The following GALNTL6 variants were observed in gnomAD, a reference collection of about 807,000 sequenced individuals.
GALNTL6 encodes polypeptide N-acetylgalactosaminyltransferase like 6, also known as polypeptide N-acetylgalactosaminyltransferase-like 6.
In GALNTL6, 46 loss-of-function variants were observed where a neutral mutation model predicts 73.7. The observed-to-expected ratio is 0.62, with a 90% CI of 0.49 to 0.80. GALNTL6 has a LOEUF of 0.80. GALNTL6 is among the 30% of genes least tolerant of loss of function. GALNTL6 has a pLI of 0.00. For missense variants in GALNTL6, 604 were observed against 755.0 expected (o/e 0.80, Z 2.34); for synonymous variants, 259 against 263.7 (o/e 0.98, Z 0.17).
chr4:171,971,668 A>G (rs1017780859), intron 2 of GALNTL6, among the ~76,000 whole-genome samples: 8 of 152,226 alleles, frequency 5.3e-5, no homozygotes, highest in African/African-American at 1.9e-4. Flanking sequence ...AGGTTTCTGT[A>G]AAGCAATTCA....
At chr4:172,096,084 C>CTGTGTGTGTGTGTGTGTGTGTG (rs138495979) in intron 2 of GALNTL6, among the ~76,000 whole-genome samples, 61 of 147,074 alleles carry the variant, frequency 4.1e-4, no homozygotes, top group African/African-American at 8.8e-4. Flanking sequence ...CTCTCTCTTT[C>CTGTGTGTGTGTGTGTGTGTGTG]TGTGTGTGTG....
intron 2 of GALNTL6, among the ~76,000 whole-genome samples, chr4:172,035,087 T>C (rs1172589014): frequency 6.6e-6 from 1 of 152,144 alleles, no homozygotes; most frequent in African/African-American, 2.4e-5. Context: ...ACTTTTAGTG[T>C]GTCTATGGCA....
chr4:171,823,075 A>G (rs1160942828), intron 2 of GALNTL6, among the ~76,000 whole-genome samples: 1 of 152,202 alleles, frequency 6.6e-6, no homozygotes, highest in Non-Finnish European at 1.5e-5. Flanking sequence ...GGCAATGTTA[A>G]CAGCCACATT....
intron 2 of GALNTL6, among the ~76,000 whole-genome samples, chr4:172,179,416 G>C (rs1322927759): frequency 4.2e-4 from 54 of 127,870 alleles, no homozygotes; most frequent in Admixed American, 7.0e-4. Flanking sequence ...GTGATGATGA[G>C]CATTTTTTCA....
intron 12 of GALNTL6, among the ~76,000 whole-genome samples, chr4:173,031,030 GA>G (rs1450669858): frequency 3.0e-4 from 46 of 152,120 alleles, no homozygotes; most frequent in Non-Finnish European, 6.0e-4. Flanking sequence ...GAGAGAGAGA[GA>G]GAGAGAGCAC....
At chr4:172,630,241 C>CAAAGTAA (rs1363062796) in intron 5 of GALNTL6, among the ~76,000 whole-genome samples, 4 of 152,044 alleles carry the variant, frequency 2.6e-5, no homozygotes, top group African/African-American at 9.7e-5. Context: ...CTCAATAAAC[C>CAAAGTAA]AAAGTAAAAA....
intron 2 of GALNTL6, among the ~76,000 whole-genome samples, chr4:172,114,778 TACA>T (rs1404192723): frequency 6.6e-6 from 1 of 152,120 alleles, no homozygotes; most frequent in African/African-American, 2.4e-5. Context: ...CTTTTTATTA[TACA>T]ACGAGTATAA....
intron 9 of GALNTL6, among the ~76,000 whole-genome samples, chr4:172,939,046 G>A (rs889226788): frequency 6.6e-6 from 1 of 152,206 alleles, no homozygotes; most frequent in Non-Finnish European, 1.5e-5. Context: ...GCTCATGCCT[G>A]TAATCCCAGT....
chr4:172,681,921 A>G (rs1312777708), intron 5 of GALNTL6, among the ~76,000 whole-genome samples: 1 of 152,210 alleles, frequency 6.6e-6, no homozygotes, highest in African/African-American at 2.4e-5. Flanking sequence ...GGGCCATAGG[A>G]TAGGCCTTCC....
intron 4 of GALNTL6, among the ~76,000 whole-genome samples, chr4:172,339,737 G>C (rs1206726065): frequency 6.6e-6 from 1 of 152,196 alleles, no homozygotes; most frequent in African/African-American, 2.4e-5. Context: ...CAAATCCCCA[G>C]TGGAAAGGTG....
chr4:172,619,379 T>TAA (rs1738866640), intron 5 of GALNTL6, among the ~76,000 whole-genome samples: 1 of 152,204 alleles, frequency 6.6e-6, no homozygotes, highest in Non-Finnish European at 1.5e-5. Flanking sequence ...TTTGCACAAA[T>TAA]AAATGTCTTT....
At chr4:171,823,173 A>G (rs1734729922) in intron 2 of GALNTL6, among the ~76,000 whole-genome samples, 1 of 152,178 alleles carries the variant, frequency 6.6e-6, no homozygotes, top group African/African-American at 2.4e-5. Flanking sequence ...AGAAATTTAA[A>G]TAAAATTATA....
intron 5 of GALNTL6, among the ~76,000 whole-genome samples, chr4:172,372,648 C>T (rs1742860859): frequency 6.6e-6 from 1 of 152,158 alleles, no homozygotes; most frequent in South Asian, 2.1e-4. Flanking sequence ...AAGTTTTGTC[C>T]TGTCAGAAGG....
chr4:172,995,966 T>C (rs17059073), intron 10 of GALNTL6, among the ~76,000 whole-genome samples: 5,171 of 152,294 alleles, frequency 0.034, 183 homozygotes, highest in African/African-American at 0.089. Context: ...AAAACACTTC[T>C]TTCCTTGACT....
chr4:172,592,705 T>TATCC (rs1737695656), intron 5 of GALNTL6, among the ~76,000 whole-genome samples: 1 of 152,032 alleles, frequency 6.6e-6, no homozygotes. Flanking sequence ...TCTATCTATC[T>TATCC]ATCTATCTAT....
intron 5 of GALNTL6, among the ~76,000 whole-genome samples, chr4:172,790,207 A>G (rs75742532): frequency 6.6e-6 from 1 of 152,168 alleles, no homozygotes; most frequent in African/African-American, 2.4e-5. Context: ...TTATCTATTT[A>G]TTGTGGTCCC....
intron 5 of GALNTL6, among the ~76,000 whole-genome samples, chr4:172,562,441 A>C (rs1256803887): frequency 6.6e-6 from 1 of 152,212 alleles, no homozygotes; most frequent in East Asian, 1.9e-4. Context: ...CTTCCTCACC[A>C]GGCCGCCTTT....
chr4:172,309,991 A>G (rs1740293000), intron 3 of GALNTL6, among the ~76,000 whole-genome samples: 1 of 152,162 alleles, frequency 6.6e-6, no homozygotes, highest in Non-Finnish European at 1.5e-5. Context: ...TCAATTATAT[A>G]AGGATGAACC....
At chr4:172,919,255 T>A (rs1747676386) in intron 8 of GALNTL6, among the ~76,000 whole-genome samples, 1 of 152,198 alleles carries the variant, frequency 6.6e-6, no homozygotes, top group Non-Finnish European at 1.5e-5. Context: ...GGAAAATGGA[T>A]GAGTCTCTTG....
Sources: allele counts gnomAD v4.1 joint callset (sites outside exome capture counted in the v4.1 genomes callset), GRCh38; gene constraint gnomAD v4.1.1; transcripts MANE v1.5; gene names NCBI Gene and HGNC (gene_info 2026-07-23, HGNC 2026-07-21).